CUX1: variants seen among roughly 807,000 people sequenced by gnomAD.
CUX1 encodes the protein protein CASP.
Under a neutral mutation model 158.8 loss-of-function variants are expected in CUX1, and 31 were observed. The observed-to-expected ratio is 0.20, with a 90% CI of 0.15 to 0.26. CUX1 has a LOEUF of 0.26. Among genes scored for constraint, CUX1 ranks in the 10% least tolerant of loss-of-function variants. CUX1 has a pLI of 1.00. For synonymous variants in CUX1, 879 were observed against 862.1 expected, an observed-to-expected ratio of 1.02 and a Z score of -0.34; for missense variants, 1,589 against 2,014.6, an observed-to-expected ratio of 0.79 and a Z score of 4.04.
At chr7:102,068,501 T>C (rs1157812595) in intron 3 of CUX1, among the ~76,000 whole-genome samples, 2 of 152,118 alleles carry the variant, frequency 1.3e-5, no homozygotes, top group Admixed American at 6.6e-5. Flanking sequence ...GGAATCTTGG[T>C]GCACAGCTTG....
chr7:101,938,005 G>A (rs934635243), intron 2 of CUX1, among the ~76,000 whole-genome samples: 1 of 152,158 alleles, frequency 6.6e-6, no homozygotes. Flanking sequence ...GCCAGGAGAA[G>A]GGTGAATAAT....
intron 8 of CUX1, among the ~76,000 whole-genome samples, chr7:102,131,236 G>A (rs1833199221): frequency 6.6e-6 from 1 of 152,056 alleles, no homozygotes; most frequent in Non-Finnish European, 1.5e-5. Context: ...TTTTTCCAAT[G>A]GAAAAAGGAC....
In CUX1 at chr7:101,973,259, T is replaced by C. The variant is rs112099656; in HGVS notation, c.142-54839T>C. Among the ~76,000 whole-genome samples, 15 of 152,240 alleles carry C rather than the reference T, an allele frequency of 9.9e-5. 3 individuals carry two copies. The highest frequency in any genetic ancestry group is 2.9e-4 in the African/African-American group (12 of 41,568). On this transcript the variant is annotated intron_variant, in intron 2 of 23. Transcript: ENST00000292535. ...TCCCAGCCCTTCCTTGCTCAGCACC[T>C]GTGACCCACTGGGTCACAGTGACCC...
intron 4 of CUX1, among the ~76,000 whole-genome samples, chr7:102,077,528 T>TTA (rs782306041): frequency 2.6e-5 from 3 of 113,958 alleles, no homozygotes; most frequent in Non-Finnish European, 5.2e-5. Flanking sequence ...CCCATCTCTT[T>TTA]AAAAAAAAAA....
At chr7:101,836,880 A>C (rs2131101048) in intron 1 of CUX1, among the ~76,000 whole-genome samples, 1 of 152,100 alleles carries the variant, frequency 6.6e-6, no homozygotes, top group East Asian at 1.9e-4. Flanking sequence ...ACAGAGTAAA[A>C]ATCGCAGAGG....
At chr7:102,269,166 G>A (rs1791029361) in intron 14 of CUX1, among the ~76,000 whole-genome samples, 1 of 151,176 alleles carries the variant, frequency 6.6e-6, no homozygotes, top group African/African-American at 2.4e-5. Context: ...GTAGAGACAG[G>A]GTTTTTCCAT....
At chr7:102,057,893 A>G (rs897780198) in intron 3 of CUX1, among the ~76,000 whole-genome samples, 2 of 152,198 alleles carry the variant, frequency 1.3e-5, no homozygotes, top group African/African-American at 4.8e-5. Context: ...TGTGGGTAAA[A>G]ATCTATCAAA....
chr7:101,970,110 T>C (rs140795039), intron 2 of CUX1, among the ~76,000 whole-genome samples: 1 of 152,124 alleles, frequency 6.6e-6, no homozygotes, highest in Non-Finnish European at 1.5e-5. Flanking sequence ...GATAAGATGC[T>C]CTCTGTGGCA....
At chr7:101,817,038 C>A, upstream of CUX1, 1 of 984,488 alleles carries the variant, frequency 1.0e-6, no homozygotes, top group Non-Finnish European at 1.2e-6. The surrounding 1 kb of genome is among the most constrained non-coding windows in gnomAD (Gnocchi z 4.1). Context: ...GTGGCGGACC[C>A]CCGCGGGGGC....
chr7:102,258,565 T>G (rs1271134119), downstream of CUX1, among the ~76,000 whole-genome samples: 1 of 152,202 alleles, frequency 6.6e-6, no homozygotes, highest in Non-Finnish European at 1.5e-5. Context: ...CGCTTCCTTT[T>G]CTGTAAAATG....
intron 15 of CUX1, chr7:102,274,219 C>T (rs1444209188): frequency 2.5e-6 from 4 of 1,609,254 alleles, no homozygotes; most frequent in Non-Finnish European, 3.4e-6. Context: ...GGAGGCACCT[C>T]CTCATCGCTT....
At chr7:101,832,889 G>A (rs1030080956) in intron 1 of CUX1, among the ~76,000 whole-genome samples, 1 of 152,016 alleles carries the variant, frequency 6.6e-6, no homozygotes, top group Non-Finnish European at 1.5e-5. Flanking sequence ...CAGGAGCAGC[G>A]CCATGGCCAT....
At chr7:102,220,582 C>T (rs1797706525) in intron 20 of CUX1, among the ~76,000 whole-genome samples, 1 of 152,102 alleles carries the variant, frequency 6.6e-6, no homozygotes, top group Non-Finnish European at 1.5e-5. Context: ...CTGTCAGCAC[C>T]GGTCGCTGGA....
intron 2 of CUX1, among the ~76,000 whole-genome samples, chr7:101,963,896 C>T (rs1810816423): frequency 6.6e-6 from 1 of 152,128 alleles, no homozygotes. Context: ...AAGTGATCCT[C>T]CCACCTCACC....
chr7:101,850,498 C>T (rs771644375), intron 1 of CUX1, among the ~76,000 whole-genome samples: 18 of 146,232 alleles, frequency 1.2e-4, no homozygotes, highest in Non-Finnish European at 2.1e-4. Flanking sequence ...GATCATGGCT[C>T]GCTGCAGCCT....
At chr7:101,937,910 C>T (rs1335651748) in intron 2 of CUX1, among the ~76,000 whole-genome samples, 2 of 152,270 alleles carry the variant, frequency 1.3e-5, no homozygotes, top group African/African-American at 4.8e-5. Context: ...TTTTATAAAT[C>T]AAAGTAGACA....
chr7:101,957,683 G>A (rs540565329), intron 2 of CUX1, among the ~76,000 whole-genome samples: 18 of 152,182 alleles, frequency 1.2e-4, no homozygotes, highest in Admixed American at 9.2e-4. Context: ...CTGAGATCAC[G>A]CCACTGCACT....
intron 1 of CUX1, among the ~76,000 whole-genome samples, chr7:101,844,639 A>C (rs969949170): frequency 1.3e-5 from 2 of 151,952 alleles, no homozygotes; most frequent in African/African-American, 4.8e-5. Flanking sequence ...TTTCCGAGAC[A>C]GTCTCTCTCT....
intron 22 of CUX1, among the ~76,000 whole-genome samples, chr7:102,235,786 ACACACACACACACG>A (rs1554532540): frequency 1.8e-5 from 2 of 112,852 alleles, no homozygotes; most frequent in Non-Finnish European, 3.5e-5. Context: ...CGCCACACAC[ACACACACACACACG>A]CGCACACAAC....
Sources: gnomAD v4.1 joint callset for allele counts (sites outside exome capture counted in the v4.1 genomes callset) on GRCh38, gnomAD v4.1.1 for gene constraint, Gnocchi (gnomAD v3.1) non-coding constraint, MANE v1.5 for transcripts, NCBI Gene and HGNC (gene_info 2026-07-23, HGNC 2026-07-21) for gene names.